Variants in GLIS3 observed in about 807,000 individuals in gnomAD.
GLIS3 encodes the protein zinc finger protein GLIS3.
A neutral mutation model predicts 78.6 loss-of-function variants in GLIS3; 53 were observed. That is an observed-to-expected ratio of 0.67 (90% confidence interval 0.54 to 0.85). The LOEUF is 0.85. Ranked by LOEUF, GLIS3 falls within the 40% of genes least tolerant of loss-of-function variation. GLIS3 has a pLI of 0.00. For synonymous variants in GLIS3, 684 were observed against 509.9 expected, an observed-to-expected ratio of 1.34 and a Z score of -4.60; for missense variants, 1,703 against 1,231.1, an observed-to-expected ratio of 1.38 and a Z score of -5.74.
At chr9:4,077,230 G>C (rs368943057) in intron 4 of GLIS3, among the ~76,000 whole-genome samples, 2 of 152,080 alleles carry the variant, frequency 1.3e-5, no homozygotes, top group Non-Finnish European at 2.9e-5. Flanking sequence ...TTAATTTCTA[G>C]GCAGACAAAA....
intron 4 of GLIS3, among the ~76,000 whole-genome samples, chr9:3,985,033 T>G (rs1819624751): frequency 6.6e-6 from 1 of 151,882 alleles, no homozygotes; most frequent in Non-Finnish European, 1.5e-5. Context: ...TTTTGTAAAT[T>G]GCCCAGTCTC....
chr9:4,036,277 T>C (rs1047805760), intron 4 of GLIS3, among the ~76,000 whole-genome samples: 11 of 152,236 alleles, frequency 7.2e-5, no homozygotes, highest in African/African-American at 2.4e-4. Flanking sequence ...AATCTCTTTT[T>C]TTTTTCTCTC....
intron 4 of GLIS3, among the ~76,000 whole-genome samples, chr9:4,055,521 G>A (rs7847561): frequency 0.71 from 108,371 of 152,070 alleles, 39,098 homozygotes; most frequent in East Asian, 0.98. Flanking sequence ...CTTAAAATAT[G>A]TCATTACACT....
chr9:3,872,354 C>A (rs771353826), intron 8 of GLIS3, among the ~76,000 whole-genome samples: 28 of 152,222 alleles, frequency 1.8e-4, no homozygotes, highest in Non-Finnish European at 3.5e-4. Context: ...TACTGTAGCA[C>A]CCCACTCTAC....
intron 2 of GLIS3, among the ~76,000 whole-genome samples, chr9:4,191,600 A>G (rs544457639): frequency 5.4e-4 from 83 of 152,298 alleles, no homozygotes; most frequent in African/African-American, 1.9e-3. Context: ...TTTCATTCTT[A>G]TTAACTTCAT....
intron 2 of GLIS3, among the ~76,000 whole-genome samples, chr9:4,344,072 A>G (rs1817871467): frequency 1.3e-5 from 2 of 152,208 alleles, no homozygotes; most frequent in Admixed American, 1.3e-4. Flanking sequence ...CCTAAAACTC[A>G]GAAAGAAATA....
intron 4 of GLIS3, among the ~76,000 whole-genome samples, chr9:3,962,868 T>A (rs1376226338): frequency 2.7e-5 from 4 of 150,684 alleles, no homozygotes; most frequent in Non-Finnish European, 4.4e-5. Context: ...AACGAAGTCC[T>A]GAATTGGCAG....
intron 2 of GLIS3, among the ~76,000 whole-genome samples, chr9:4,283,261 G>GTTTTTTTTTT (rs369306104): frequency 1.3e-5 from 1 of 76,384 alleles, no homozygotes; most frequent in African/African-American, 7.9e-5. Flanking sequence ...CTGTTTTTTT[G>GTTTTTTTTTT]TTTTTTTGTT....
At chr9:4,219,641 C>G (rs1490903827) in intron 2 of GLIS3, among the ~76,000 whole-genome samples, 1 of 152,176 alleles carries the variant, frequency 6.6e-6, no homozygotes, top group Non-Finnish European at 1.5e-5. Flanking sequence ...CAGTTCCTAA[C>G]TTGATGTTAG....
At chr9:4,457,939 A>G in the GLIS3 span, among the ~76,000 whole-genome samples, 1 of 152,096 alleles carries the variant, frequency 6.6e-6, no homozygotes, top group Middle Eastern at 3.4e-3. Flanking sequence ...AGCTCCTTCT[A>G]TGTAGATGAC....
chr9:4,253,071 C>T (rs929646672), intron 2 of GLIS3, among the ~76,000 whole-genome samples: 9 of 152,308 alleles, frequency 5.9e-5, no homozygotes, highest in East Asian at 3.9e-4. Context: ...AGGTGTCTCA[C>T]GATTAGGAGG....
chr9:3,911,342 C>T (rs1824136324), intron 6 of GLIS3, among the ~76,000 whole-genome samples: 1 of 152,122 alleles, frequency 6.6e-6, no homozygotes, highest in Non-Finnish European at 1.5e-5. Context: ...GCTCTTTATC[C>T]TGGGAGGCTA....
chr9:4,394,996 C>T, the GLIS3 span, among the ~76,000 whole-genome samples: 1 of 152,148 alleles, frequency 6.6e-6, no homozygotes, highest in African/African-American at 2.4e-5. Context: ...CCGTAGATGA[C>T]TAATTGCTGA....
intron 4 of GLIS3, among the ~76,000 whole-genome samples, chr9:4,004,490 G>A (rs1336842261): frequency 1.3e-5 from 2 of 152,194 alleles, no homozygotes; most frequent in African/African-American, 2.4e-5. Flanking sequence ...TGGGATGAAA[G>A]GAGGATCCAG....
At chr9:4,226,754 T>C (rs1821803155) in intron 2 of GLIS3, among the ~76,000 whole-genome samples, 1 of 152,078 alleles carries the variant, frequency 6.6e-6, no homozygotes. Flanking sequence ...TACTGAAAAA[T>C]GAGTAAGGAG....
the GLIS3 span, among the ~76,000 whole-genome samples, chr9:4,380,929 A>T: frequency 0.055 from 8,443 of 152,226 alleles, 242 homozygotes; most frequent in South Asian, 0.1. Flanking sequence ...AATGGAGGAA[A>T]ATGTACAAAC....
At chr9:3,966,854 A>G (rs1277999842) in intron 4 of GLIS3, among the ~76,000 whole-genome samples, 1 of 151,860 alleles carries the variant, frequency 6.6e-6, no homozygotes, top group African/African-American at 2.4e-5. Flanking sequence ...CACCCAATAT[A>G]AAAGTGAAAT....
chr9:4,099,073 T>G (rs1269026261), intron 4 of GLIS3, among the ~76,000 whole-genome samples: 1 of 152,220 alleles, frequency 6.6e-6, no homozygotes. Context: ...CTTGGCTTAC[T>G]GCAGTCATGA....
intron 2 of GLIS3, among the ~76,000 whole-genome samples, chr9:4,249,987 T>C (rs1334451551): frequency 6.6e-6 from 1 of 152,246 alleles, no homozygotes; most frequent in African/African-American, 2.4e-5. Flanking sequence ...CCGTGGTGGA[T>C]AAGCTTTTTG....
Sources: allele counts gnomAD v4.1 joint callset (sites outside exome capture counted in the v4.1 genomes callset), GRCh38; gene constraint gnomAD v4.1.1; transcripts MANE v1.5; gene names NCBI Gene and HGNC (gene_info 2026-07-23, HGNC 2026-07-21).